Variants in TRIO observed in about 807,000 individuals in gnomAD.
The protein encoded by TRIO is trio Rho guanine nucleotide exchange factor.
Under a neutral mutation model 351.9 loss-of-function variants are expected in TRIO, and 58 were observed. The ratio of observed to expected loss-of-function variants is 0.16; its 90% CI spans 0.13 to 0.21. The LOEUF is 0.21. Among genes scored for constraint, TRIO ranks in the 10% least tolerant of loss-of-function variants. TRIO has a pLI of 1.00. For missense variants in TRIO, 3,201 were observed against 4,027.8 expected, an observed-to-expected ratio of 0.79 and a Z score of 5.56; for synonymous variants, 1,758 against 1,595.7, an observed-to-expected ratio of 1.10 and a Z score of -2.42.
At chr5:14,317,734 G>A (rs1359045680) in intron 9 of TRIO, among the ~76,000 whole-genome samples, 1 of 152,234 alleles carries the variant, frequency 6.6e-6, no homozygotes, top group Non-Finnish European at 1.5e-5. Flanking sequence ...GCTCACGCCT[G>A]TAATCCCAGC....
Position 14,460,938 on chromosome 5 carries a change from C to T in TRIO, c.5204-81C>T, listed in dbSNP as rs541853555. On this transcript the variant is annotated intron_variant, in intron 34 of 56. Transcript: ENST00000344204. Reference sequence around the variant, plus strand: ...GCATCCAGGCCCACTGGCTTCCCTGCAGCCTGCGGGATAATGGCATGGTCT... The same window carrying T: ...GCATCCAGGCCCACTGGCTTCCCTGTAGCCTGCGGGATAATGGCATGGTCT... The T allele has an allele frequency of 2.7e-3, 3,823 of 1,426,810 alleles. 10 individuals carry two copies. The highest frequency in any genetic ancestry group is 2.9e-3 in the Non-Finnish European group (3,169 of 1,080,596). The allele number at this position is 1,426,810 out of a possible 1,614,324, so 88.4% of individuals were successfully genotyped here. A position where few individuals can be genotyped will look rare whatever the true frequency, so the allele number is the denominator to read the frequency against.
intron 9 of TRIO, among the ~76,000 whole-genome samples, chr5:14,329,540 C>A (rs1019236326): frequency 2.0e-5 from 3 of 152,210 alleles, no homozygotes; most frequent in African/African-American, 7.2e-5. Flanking sequence ...AGTGTCCAGA[C>A]TATGAAGCCC....
intron 1 of TRIO, among the ~76,000 whole-genome samples, chr5:14,226,248 T>A (rs1793017962): frequency 6.6e-6 from 1 of 152,220 alleles, no homozygotes; most frequent in Non-Finnish European, 1.5e-5. Flanking sequence ...ATGATGTTGA[T>A]GTTCCCAACT....
intron 1 of TRIO, among the ~76,000 whole-genome samples, chr5:14,190,087 C>T (rs1299165111): frequency 6.6e-6 from 1 of 151,970 alleles, no homozygotes; most frequent in East Asian, 1.9e-4. Context: ...AGCTGGTTTG[C>T]ACAGGAGATT....
intron 1 of TRIO, among the ~76,000 whole-genome samples, chr5:14,181,173 A>T (rs968684675): frequency 2.7e-4 from 4 of 14,850 alleles, no homozygotes; most frequent in Non-Finnish European, 5.9e-4. Flanking sequence ...CTGCAGACTT[A>T]AAAAAAAAAG....
At chr5:14,395,656 T>C (rs1747495314) in intron 28 of TRIO, among the ~76,000 whole-genome samples, 1 of 152,196 alleles carries the variant, frequency 6.6e-6, no homozygotes, top group Non-Finnish European at 1.5e-5. Flanking sequence ...TCCTCTCAAG[T>C]AACCACTGGG....
intron 4 of TRIO, among the ~76,000 whole-genome samples, chr5:14,289,116 G>A (rs1006811935): frequency 1.3e-5 from 2 of 151,812 alleles, no homozygotes; most frequent in East Asian, 1.9e-4. Flanking sequence ...GGCCGGGCGC[G>A]GTGGCTCATG....
At chr5:14,248,014 C>T (rs1351289890) in intron 1 of TRIO, among the ~76,000 whole-genome samples, 2 of 148,078 alleles carry the variant, frequency 1.4e-5, no homozygotes, top group African/African-American at 5.0e-5. Flanking sequence ...TGCAGTGAGC[C>T]GAGATTGCGC....
chr5:14,240,877 C>T (rs1462522012), intron 1 of TRIO, among the ~76,000 whole-genome samples: 1 of 152,110 alleles, frequency 6.6e-6, no homozygotes, highest in Non-Finnish European at 1.5e-5. Context: ...TTCATTAAAA[C>T]TGTTGGCAAA....
intron 34 of TRIO, among the ~76,000 whole-genome samples, chr5:14,455,126 A>G (rs1341186724): frequency 6.6e-6 from 1 of 152,192 alleles, no homozygotes; most frequent in African/African-American, 2.4e-5. Flanking sequence ...AGTAGCAGCA[A>G]GATTTATTGC....
At chr5:14,358,417 C>G (rs1267513215) in intron 12 of TRIO, 70 bp downstream of exon 12, 12 of 1,567,646 alleles carry the variant, frequency 7.7e-6, no homozygotes, top group Non-Finnish European at 1.0e-5. Context: ...TCCCCTTTTA[C>G]TCTTGTGAGT....
intron 41 of TRIO, among the ~76,000 whole-genome samples, chr5:14,478,137 G>T (rs1025058466): frequency 6.6e-5 from 10 of 152,304 alleles, no homozygotes; most frequent in African/African-American, 2.2e-4. Context: ...TTACATAAGT[G>T]CTTTTTCTTG....
chr5:14,495,658 G>GAA (rs56018324), intron 49 of TRIO, among the ~76,000 whole-genome samples: 8,682 of 32,484 alleles, frequency 0.27, 2,576 homozygotes, highest in Middle Eastern at 0.43. Context: ...GTCTCTACTA[G>GAA]AAAAAAAAAA....
At chr5:14,379,855 T>G (rs940437073) in intron 20 of TRIO, among the ~76,000 whole-genome samples, 2 of 152,190 alleles carry the variant, frequency 1.3e-5, no homozygotes, top group African/African-American at 4.8e-5. Context: ...CCGTTCTGCT[T>G]CTGTTCACTG....
At chr5:14,487,354 G>A in intron 47 of TRIO, 110 bp from the exon 48 acceptor site, 1 of 1,059,070 alleles carries the variant, frequency 9.4e-7, no homozygotes, top group Non-Finnish European at 1.2e-6. Flanking sequence ...CTGCGCCCCT[G>A]CACGGGGTCT....
At chr5:14,226,095 A>G (rs1793004347) in intron 1 of TRIO, among the ~76,000 whole-genome samples, 1 of 152,154 alleles carries the variant, frequency 6.6e-6, no homozygotes, top group African/African-American at 2.4e-5. Context: ...CACCTGGTTA[A>G]TGCCGGAGCT....
intron 19 of TRIO, 131 bp from the exon 20 acceptor site, chr5:14,377,881 T>C: frequency 1.5e-6 from 1 of 664,712 alleles, no homozygotes; most frequent in Non-Finnish European, 2.6e-6. Flanking sequence ...AGGAAAGCAG[T>C]GTGATTCTTT....
chr5:14,263,390 G>A (rs367938365), intron 1 of TRIO, among the ~76,000 whole-genome samples: 9 of 151,840 alleles, frequency 5.9e-5, no homozygotes, highest in East Asian at 5.8e-4. Flanking sequence ...AGACAATAGA[G>A]GAAAAGGAGT....
chr5:14,276,865 T>A (rs1735561690), intron 2 of TRIO, among the ~76,000 whole-genome samples: 2 of 152,132 alleles, frequency 1.3e-5, no homozygotes, highest in African/African-American at 4.8e-5. Context: ...CTCCTGGAGT[T>A]TTAAGAAGAG....
Sources: gnomAD v4.1 joint callset for allele counts (sites outside exome capture counted in the v4.1 genomes callset) on GRCh38, gnomAD v4.1.1 for gene constraint, MANE v1.5 for transcripts, NCBI Gene and HGNC (gene_info 2026-07-23, HGNC 2026-07-21) for gene names.